Variants in RMST observed in about 807,000 individuals in gnomAD.
RMST encodes the protein long intergenic non-protein coding RNA 54.
intron 11 of RMST, among the ~76,000 whole-genome samples, chr12:97,557,162 C>T (rs1883763558): frequency 6.6e-6 from 1 of 152,048 alleles, no homozygotes; most frequent in South Asian, 2.1e-4. Flanking sequence ...TGTTAGATGG[C>T]ATTTTGTTTA....
intron 4 of RMST, chr12:97,465,101 T>C (rs1319066499): frequency 1.3e-5 from 2 of 152,252 alleles, no homozygotes; most frequent in African/African-American, 2.4e-5. Flanking sequence ...ACCTTCTCTC[T>C]AGTTGGGGTG....
chr12:97,485,245 C>G (rs1032675825), intron 5 of RMST, among the ~76,000 whole-genome samples: 1 of 152,048 alleles, frequency 6.6e-6, no homozygotes. Context: ...AGTAAATTAG[C>G]CACTGATAAT....
intron 10 of RMST, among the ~76,000 whole-genome samples, chr12:97,504,403 C>CAA (rs5800313): frequency 3.5e-5 from 2 of 56,586 alleles, no homozygotes; most frequent in African/African-American, 1.1e-4. Context: ...GACTTCATTT[C>CAA]AAAAAAAAAA....
intron 10 of RMST, among the ~76,000 whole-genome samples, chr12:97,516,339 T>A (rs1425476444): frequency 6.6e-6 from 1 of 152,006 alleles, no homozygotes; most frequent in Non-Finnish European, 1.5e-5. Flanking sequence ...TAGGGTGTGC[T>A]AATTGCCGTC....
chr12:97,552,098 C>A (rs1205928411), intron 11 of RMST: 1 of 152,116 alleles, frequency 6.6e-6, no homozygotes, highest in East Asian at 1.9e-4. Flanking sequence ...TTACCTGCTT[C>A]GATTGCTGTA....
At chr12:97,509,608 C>T (rs1193487807) in intron 10 of RMST, among the ~76,000 whole-genome samples, 1 of 152,154 alleles carries the variant, frequency 6.6e-6, no homozygotes, top group Non-Finnish European at 1.5e-5. Context: ...CCCCATCTCT[C>T]TCCCTCCCCT....
intron 5 of RMST, among the ~76,000 whole-genome samples, chr12:97,474,946 A>G (rs1874371030): frequency 6.6e-6 from 1 of 152,160 alleles, no homozygotes; most frequent in African/African-American, 2.4e-5. Context: ...TAATAATTTA[A>G]CTTTGACATA....
At chr12:97,473,396 CTTGGTGGATTTA>C (rs1295120022) in intron 5 of RMST, among the ~76,000 whole-genome samples, 1 of 152,010 alleles carries the variant, frequency 6.6e-6, no homozygotes, top group African/African-American at 2.4e-5. Context: ...AGGCTGGGGG[CTTGGTGGATTTA>C]TTGGTGCCCT....
At chr12:97,542,345 A>T (rs1882606208) in intron 11 of RMST, among the ~76,000 whole-genome samples, 1 of 151,914 alleles carries the variant, frequency 6.6e-6, no homozygotes, top group Non-Finnish European at 1.5e-5. Flanking sequence ...TGAAATAAAC[A>T]CACCTGAAGC....
intron 11 of RMST, among the ~76,000 whole-genome samples, chr12:97,542,304 C>T (rs1356260706): frequency 1.3e-5 from 2 of 151,782 alleles, no homozygotes; most frequent in Admixed American, 6.6e-5. Flanking sequence ...TTATGCTTCT[C>T]CACTCAAGGG....
At chr12:97,540,251 A>G (rs958535772) in intron 11 of RMST, among the ~76,000 whole-genome samples, 14 of 151,752 alleles carry the variant, frequency 9.2e-5, no homozygotes, top group African/African-American at 3.1e-4. Context: ...AGTGGTTACC[A>G]TGAATAAAAA....
At chr12:97,540,219 C>G (rs1339281839) in intron 11 of RMST, among the ~76,000 whole-genome samples, 1 of 151,610 alleles carries the variant, frequency 6.6e-6, no homozygotes, top group African/African-American at 2.4e-5. Context: ...AGTAGGGACA[C>G]TTGAAGTCTA....
intron 11 of RMST, among the ~76,000 whole-genome samples, chr12:97,540,909 ATAGAT>A (rs572137128): frequency 1.6e-3 from 237 of 150,614 alleles, no homozygotes; most frequent in African/African-American, 5.4e-3. Flanking sequence ...GAGTGTATCC[ATAGAT>A]TAGATAGATA....
intron 10 of RMST, among the ~76,000 whole-genome samples, chr12:97,517,275 G>A (rs1880033239): frequency 6.6e-6 from 1 of 151,776 alleles, no homozygotes; most frequent in Non-Finnish European, 1.5e-5. Context: ...TCTTCAAGTG[G>A]CACTATTTTC....
At chr12:97,528,932 GT>G (rs1332264598) in intron 10 of RMST, among the ~76,000 whole-genome samples, 1 of 151,964 alleles carries the variant, frequency 6.6e-6, no homozygotes, top group Admixed American at 6.6e-5. Flanking sequence ...TGTCCTTGAC[GT>G]TGTGCCACAA....
At chr12:97,559,230 T>C (rs75182839) in intron 11 of RMST, among the ~76,000 whole-genome samples, 4,666 of 152,204 alleles carry the variant, frequency 0.031, 136 homozygotes, top group East Asian at 0.055. Flanking sequence ...CCTACTGTTA[T>C]CGGAAATAAA....
At chr12:97,463,591 G>A (rs1030571558) in intron 4 of RMST, among the ~76,000 whole-genome samples, 3 of 152,164 alleles carry the variant, frequency 2.0e-5, no homozygotes, top group African/African-American at 4.8e-5. Flanking sequence ...TTTGTGCAAC[G>A]TAGAAGAGCA....
chr12:97,549,537 A>T (rs955265131), intron 11 of RMST, among the ~76,000 whole-genome samples: 5 of 152,238 alleles, frequency 3.3e-5, no homozygotes, highest in African/African-American at 9.6e-5. Flanking sequence ...CAAGGATGCC[A>T]TTCACATGGT....
At chr12:97,518,477 A>G (rs977385577) in intron 10 of RMST, among the ~76,000 whole-genome samples, 1 of 152,182 alleles carries the variant, frequency 6.6e-6, no homozygotes, top group Non-Finnish European at 1.5e-5. Context: ...ACTGCCTCAT[A>G]GAGATTAACA....
Sources: allele counts gnomAD v4.1 joint callset (sites outside exome capture counted in the v4.1 genomes callset), GRCh38; gene constraint gnomAD v4.1.1; transcripts MANE v1.5; gene names NCBI Gene and HGNC (gene_info 2026-07-23, HGNC 2026-07-21).